The following RBM28 variants were observed in gnomAD, a reference collection of about 807,000 sequenced individuals.
RBM28 encodes RNA-binding protein 28.
In RBM28, 78 loss-of-function variants were observed where a neutral mutation model predicts 98.3. The observed-to-expected ratio is 0.79, with a 90% CI of 0.66 to 0.96. The LOEUF (loss-of-function observed/expected upper bound fraction) is 0.96. Ranked by LOEUF, RBM28 falls within the 40% of genes least tolerant of loss-of-function variation. The pLI, the probability that RBM28 is intolerant of heterozygous loss-of-function variation, is 0.00. For missense variants in RBM28, 838 were observed against 913.0 expected, an observed-to-expected ratio of 0.92 and a Z score of 1.06; for synonymous variants, 306 against 330.9, an observed-to-expected ratio of 0.92 and a Z score of 0.82.
chr7:128,328,836 A>C (rs953663845), intron 10 of RBM28, among the ~76,000 whole-genome samples: 1 of 152,232 alleles, frequency 6.6e-6, no homozygotes, highest in African/African-American at 2.4e-5. Flanking sequence ...TACAGATGAA[A>C]ACCTGAAGCC....
intron 14 of RBM28, among the ~76,000 whole-genome samples, chr7:128,320,179 T>C (rs1379505905): frequency 1.5e-5 from 2 of 136,812 alleles, no homozygotes; most frequent in Non-Finnish European, 3.0e-5. Context: ...ATCATGCCAC[T>C]GCACTCCAGC....
chr7:128,319,328 A>G (rs930267408), intron 14 of RBM28, among the ~76,000 whole-genome samples: 1 of 152,252 alleles, frequency 6.6e-6, no homozygotes, highest in Admixed American at 6.5e-5. Context: ...AAAATTCAAC[A>G]TAATGCAAAA....
At position 128,314,766 on chromosome 7, in the gene RBM28, G is replaced by A; in HGVS notation, c.2043C>T (p.Ile681=). 5.0e-6 allele frequency: 8 copies of A among 1,614,224 alleles called. No individual in the cohort carries two copies. Among genetic ancestry groups the A allele is most frequent in the Non-Finnish European group, 6.8e-6 (8 of 1,180,034 alleles). The change falls in exon 17 of 19, where the codon ATC becomes ATT. Residue 681 remains isoleucine (I), a splice_region_variant and synonymous_variant. Coordinates refer to ENST00000223073, the MANE Select transcript of RBM28 (RefSeq NM_018077.3). ...LALPSHRGPK[I]RLRDKGKVKP... ...GCTTCTGCCCTCCTGCATCTCACCT[G>A]ATTTTGGGGCCTCGGTGTGAGGGGA...
At chr7:128,314,637 G>A in intron 17 of RBM28, 127 bp downstream of exon 17, 1 of 1,472,828 alleles carries the variant, frequency 6.8e-7, no homozygotes, top group East Asian at 2.3e-5. Flanking sequence ...AACCCCATGT[G>A]TGGGAATACA....
At position 128,310,813 on chromosome 7, in the gene RBM28, T is replaced by A; in HGVS notation, c.2264A>T (p.Lys755Ile). The A allele has an allele frequency of 1.2e-6, 2 of 1,614,158 alleles. No homozygotes were observed. Among genetic ancestry groups the A allele is most frequent in the Non-Finnish European group, 1.7e-6 (2 of 1,180,022 alleles). Residue 755 changes from lysine to isoleucine, a missense_variant, in exon 19 of 19, where the codon AAA becomes ATA. Lys to Ile is a moderately radical substitution (Grantham distance 102). Transcript: ENST00000223073. The part of the protein sequence containing the change: ...SKGAPLAKRS[K>I]WFDS ...CTGCCATCATCAACTATCAAACCAT[T>A]TGCTCCTCTTTGCAAGAGGTGCTCC...
Position 128,310,544 on chromosome 7 carries a change from T to G in RBM28, c.*253A>C. 1 of 523,664 alleles carries G rather than the reference T, an allele frequency of 1.9e-6. No homozygotes were observed. Among genetic ancestry groups the G allele is most frequent in the South Asian group, 2.5e-5 (1 of 39,632 alleles). 32.4% of individuals were successfully genotyped at this position (523,664 alleles called of 1,614,324 possible). ...AATTGGTAATAATTATAGACACAAC[T>G]TCATACAATAATCTGGATAATATGC... On this transcript the variant is annotated 3_prime_UTR_variant, in exon 19 of 19. Coordinates refer to ENST00000223073, the MANE Select transcript of RBM28 (RefSeq NM_018077.3).
chr7:128,342,534 T>C (rs1796748678), intron 1 of RBM28, among the ~76,000 whole-genome samples: 1 of 151,986 alleles, frequency 6.6e-6, no homozygotes, highest in Admixed American at 6.6e-5. Flanking sequence ...ATACAAAAAT[T>C]AGCCAGGTGT....
chr7:128,332,371 T>A (rs76819671), intron 9 of RBM28, among the ~76,000 whole-genome samples: 3,573 of 150,966 alleles, frequency 0.024, 135 homozygotes, highest in African/African-American at 0.08. Flanking sequence ...TTTTTTTTTT[T>A]AAGACAGAGT....
Position 128,307,697 on chromosome 7 carries a change from T to G in RBM28, c.*3100A>C, listed in dbSNP as rs958625318. On this transcript the variant is annotated 3_prime_UTR_variant, in exon 19 of 19. Transcript: ENST00000223073. ...AGAACAGCTGCACATCATCTTAAGA[T>G]TCCTTATTTAAAGGTTGTATCTCTA... 1 of 152,174 alleles carries G rather than the reference T, an allele frequency of 6.6e-6. No homozygotes were observed. Among genetic ancestry groups the G allele is most frequent in the African/African-American group, 2.4e-5 (1 of 41,438 alleles). 9.4% of individuals were successfully genotyped at this position (152,174 alleles called of 1,614,324 possible). A position where few individuals can be genotyped will look rare whatever the true frequency, so the allele number is the denominator to read the frequency against.
At chr7:128,328,282 G>A (rs537162368) in intron 10 of RBM28, among the ~76,000 whole-genome samples, 19 of 152,318 alleles carry the variant, frequency 1.2e-4, no homozygotes, top group Middle Eastern at 3.4e-3. Flanking sequence ...TAATTAGATT[G>A]AATATGAAGA....
Position 128,339,131 on chromosome 7 carries a change from C to T in RBM28, c.372+96G>A. 4 of 1,136,136 alleles carry T rather than the reference C, an allele frequency of 3.5e-6. 1 individual carries two copies. In the South Asian group the frequency reaches 5.0e-5, roughly 14 times the overall value. 70.4% of individuals were successfully genotyped at this position (1,136,136 alleles called of 1,614,324 possible). On this transcript the variant is annotated intron_variant, in intron 3 of 18. Transcript: ENST00000223073. The stretch of plus-strand genomic sequence containing the variant: ...GGTTGATTCCCAGAAGGAATTAAGC[C>T]CAATTATACCATCTTGGTGAGGAGT...
At chr7:128,340,119 T>G (rs55667068) in intron 1 of RBM28, among the ~76,000 whole-genome samples, 10,327 of 152,018 alleles carry the variant, frequency 0.068, 404 homozygotes, top group African/African-American at 0.092. Flanking sequence ...GAACTCAACA[T>G]CAAAAAGAAC....
chr7:128,315,211 G>T (rs1026964159), intron 16 of RBM28, among the ~76,000 whole-genome samples, 191 bp from the exon 17 acceptor site: 3 of 152,124 alleles, frequency 2.0e-5, no homozygotes, highest in African/African-American at 7.2e-5. Context: ...TTACTGGGTG[G>T]GGGGCACAAA....
rs1173081268 is a variant in RBM28 at position 128,297,879 on chromosome 7, T to C, written c.*12918A>G. The C allele has an allele frequency of 6.7e-6, 1 of 149,880 alleles. No homozygotes were observed. The highest frequency in any genetic ancestry group is 1.5e-5 in the Non-Finnish European group (1 of 67,556). 9.3% of individuals were successfully genotyped at this position (149,880 alleles called of 1,614,324 possible). On this transcript the variant is annotated 3_prime_UTR_variant, in exon 19 of 19. Coordinates refer to ENST00000223073, the MANE Select transcript of RBM28 (RefSeq NM_018077.3). ...GAAAATCATCATTCTCAGTAAACTATCGCAAGAACAAAAAACCAAACACCG... is the reference window on the plus strand; with the variant it reads ...GAAAATCATCATTCTCAGTAAACTACCGCAAGAACAAAAAACCAAACACCG...
At chr7:128,339,835 A>AGTC (rs1402690082) in intron 1 of RBM28, 44 bp from the exon 2 acceptor site, 3 of 1,589,666 alleles carry the variant, frequency 1.9e-6, no homozygotes, top group Non-Finnish European at 2.6e-6. Context: ...CAGTGTGAAA[A>AGTC]GGAGAGAGAA....
At position 128,317,703 on chromosome 7, in the gene RBM28, G is replaced by A. The variant is rs770885287; in HGVS notation, c.1744C>T (p.Arg582Ter). 5.0e-6 allele frequency: 8 copies of A among 1,608,254 alleles called. No homozygotes were observed. Among genetic ancestry groups the A allele is most frequent in the Admixed American group, 1.7e-5 (1 of 59,992 alleles). ...AATTCCTTCATTTTAAGTTTTCTTCGATCTTCTAAAGAGAACTCCACTATT... is the reference window on the plus strand; with the variant it reads ...AATTCCTTCATTTTAAGTTTTCTTCAATCTTCTAAAGAGAACTCCACTATT... The part of the protein sequence containing the change: ...RPIVEFSLED[R>*]RKLKMKELRI... Residue 582 changes from arginine to a stop codon, truncating the protein, a stop_gained, in exon 16 of 19, where the codon CGA (arginine) becomes TGA (stop). Coordinates refer to ENST00000223073, the MANE Select transcript of RBM28 (RefSeq NM_018077.3). LOFTEE classifies it high-confidence loss of function.
chr7:128,313,442 T>C (rs1481016794), intron 17 of RBM28, among the ~76,000 whole-genome samples, 168 bp from the exon 18 acceptor site: 1 of 152,132 alleles, frequency 6.6e-6, no homozygotes, highest in East Asian at 1.9e-4. Flanking sequence ...TTAGGACTGC[T>C]TGATGCCAGG....
Position 128,301,792 on chromosome 7 carries a change from G to A in RBM28, c.*9005C>T, listed in dbSNP as rs551339721. 6.6e-6 allele frequency: 1 copy of A among 152,276 alleles called. No individual in the cohort carries two copies. The highest frequency in any genetic ancestry group is 1.9e-4 in the East Asian group (1 of 5,172). The allele number at this position is 152,276 out of a possible 1,614,324, so 9.4% of individuals were successfully genotyped here. A position where few individuals can be genotyped will look rare whatever the true frequency, so the allele number is the denominator to read the frequency against. The stretch of plus-strand genomic sequence containing the variant: ...TATTAAGTGCCTGCTCTCTACTAGG[G>A]ATTCCTAGGGGGTGGCCAAGAGAAG... On this transcript the variant is annotated 3_prime_UTR_variant, in exon 19 of 19. Transcript: ENST00000223073.
intron 3 of RBM28, 86 bp downstream of exon 3, chr7:128,339,141 C>T: frequency 2.5e-6 from 3 of 1,201,060 alleles, no homozygotes; most frequent in Non-Finnish European, 3.7e-6. Flanking sequence ...CCAATTATAC[C>T]ATCTTGGTGA....
Sources: allele counts gnomAD v4.1 joint callset (sites outside exome capture counted in the v4.1 genomes callset), GRCh38; gene constraint gnomAD v4.1.1; transcripts MANE v1.5; gene names NCBI Gene and HGNC (gene_info 2026-07-23, HGNC 2026-07-21).